Variants in MGA observed in about 807,000 individuals in gnomAD.
MGA encodes the protein MAX gene-associated protein.
In MGA, 40 loss-of-function variants were observed where a neutral mutation model predicts 261.1. The observed-to-expected ratio is 0.15, with a 90% CI of 0.12 to 0.20. The LOEUF (loss-of-function observed/expected upper bound fraction) is 0.20. Ranked by LOEUF, MGA falls within the 10% of genes least tolerant of loss-of-function variation. The pLI is 1.00. For missense variants in MGA, 3,397 were observed against 3,630.5 expected (o/e 0.94, Z 1.65); for synonymous variants, 1,302 against 1,290.6 (o/e 1.01, Z -0.19).
chr15:41,754,631 G>C, intron 18 of MGA, 64 bp downstream of exon 18: 1 of 1,465,478 alleles, frequency 6.8e-7, no homozygotes. Flanking sequence ...AAAATGAGAT[G>C]TTCTGTTCAG....
chr15:41,741,579 GA>G (rs2062106080), intron 14 of MGA, among the ~76,000 whole-genome samples: 1 of 152,162 alleles, frequency 6.6e-6, no homozygotes, highest in East Asian at 1.9e-4. Flanking sequence ...GAAATTGGGG[GA>G]AACAAACCCT....
chr15:41,715,195 G>C (rs1315663148), intron 9 of MGA, among the ~76,000 whole-genome samples: 2 of 148,880 alleles, frequency 1.3e-5, no homozygotes, highest in Admixed American at 1.4e-4. Flanking sequence ...TGTTGCCCAG[G>C]CTGGAGTGCA....
In MGA at chr15:41,736,324, A is replaced by C. The variant is rs1451152887; in HGVS notation, c.4060A>C (p.Ile1354Leu). 1 of 1,613,918 alleles carries C rather than the reference A, an allele frequency of 6.2e-7. No homozygotes were observed. The highest frequency in any genetic ancestry group is 1.3e-5 in the African/African-American group (1 of 74,928). The change falls in exon 13 of 24, where the codon ATC (isoleucine) becomes CTC (leucine). Residue 1354 changes from isoleucine to leucine, a missense_variant. This residue lies in a region of MGA where 1,410 missense variants were observed against 1,386.4 expected (regional missense o/e 1.02). Coordinates refer to ENST00000219905, the MANE Select transcript of MGA (RefSeq NM_001164273.2). ...GGAAGATCGGAACAAGATTTTGAGC[A>C]TCTTATCCCAGCACATCAATAGCAA...
intron 1 of MGA, among the ~76,000 whole-genome samples, chr15:41,635,336 A>T (rs1383094509): frequency 6.6e-6 from 1 of 151,950 alleles, no homozygotes; most frequent in Non-Finnish European, 1.5e-5. Flanking sequence ...TCTGTCTCAA[A>T]TAAATAAATA....
At chr15:41,672,874 A>G (rs1186340886) in intron 2 of MGA, among the ~76,000 whole-genome samples, 2 of 151,278 alleles carry the variant, frequency 1.3e-5, no homozygotes, top group Middle Eastern at 3.2e-3. Context: ...GTGCACACAC[A>G]CACACACACA....
chr15:41,666,822 C>T (rs1431002550), intron 1 of MGA, among the ~76,000 whole-genome samples: 1 of 152,134 alleles, frequency 6.6e-6, no homozygotes, highest in South Asian at 2.1e-4. Flanking sequence ...AGGGGATAAT[C>T]TTGTATAGAT....
chr15:41,719,625 C>T lies in MGA; in HGVS notation c.3430+6129C>T, dbSNP rs1189152641. ...GGTGTGGTGGTATGCACCTGTAGTCCGAGCTACTTGGGGGGCTGAGGTGGG... is the reference window on the plus strand; with the variant it reads ...GGTGTGGTGGTATGCACCTGTAGTCTGAGCTACTTGGGGGGCTGAGGTGGG... On this transcript the variant is annotated intron_variant, in intron 9 of 23. Coordinates refer to ENST00000219905, the MANE Select transcript of MGA (RefSeq NM_001164273.2). 6.6e-5 allele frequency among the ~76,000 whole-genome samples: 10 copies of T among 151,932 alleles called. No individual in the cohort carries two copies. The East Asian group carries it at 1.5e-3, about 23-fold the overall frequency.
At chr15:41,683,215 C>T (rs1051478762) in intron 2 of MGA, among the ~76,000 whole-genome samples, 6 of 151,874 alleles carry the variant, frequency 4.0e-5, no homozygotes, top group Non-Finnish European at 7.4e-5. Context: ...CATCTTTGTA[C>T]TGTGCTTTAT....
At chr15:41,701,435 C>G (rs970882060) in intron 5 of MGA, among the ~76,000 whole-genome samples, 3 of 152,070 alleles carry the variant, frequency 2.0e-5, no homozygotes, top group African/African-American at 4.8e-5. Context: ...GACTGTTTTT[C>G]TTTCTTTTAT....
intron 17 of MGA, among the ~76,000 whole-genome samples, chr15:41,754,021 C>G (rs1342440059): frequency 2.6e-5 from 4 of 152,118 alleles, no homozygotes; most frequent in African/African-American, 9.7e-5. Context: ...TGGCCTCAAG[C>G]AATCCTCCCA....
rs575529834 is a variant in MGA at position 41,742,010 on chromosome 15, T to C, written c.4586-536T>C. Among the ~76,000 whole-genome samples the C allele has an allele frequency of 4.5e-4, 69 of 151,852 alleles. No individual in the cohort carries two copies. In the South Asian group the frequency reaches 0.011, roughly 24 times the overall value. Reference sequence around the variant, plus strand: ...CAGGTGTGAGTCACTGTGTCTGGCCTGGAACACTCAATTTTAATCCCTTTC... The same window carrying C: ...CAGGTGTGAGTCACTGTGTCTGGCCCGGAACACTCAATTTTAATCCCTTTC... On this transcript the variant is annotated intron_variant, in intron 14 of 23. Transcript: ENST00000219905.
intron 1 of MGA, among the ~76,000 whole-genome samples, chr15:41,647,726 C>A (rs1261398896): frequency 2.0e-5 from 3 of 150,386 alleles, no homozygotes; most frequent in Non-Finnish European, 4.4e-5. Context: ...AGTTACTTCC[C>A]AAATCTTTGT....
intron 15 of MGA, among the ~76,000 whole-genome samples, chr15:41,743,776 C>T (rs756236133): frequency 3.9e-5 from 6 of 152,182 alleles, no homozygotes; most frequent in Non-Finnish European, 8.8e-5. Context: ...AATTGCTGGA[C>T]ATGAACTGAT....
Position 41,759,516 on chromosome 15 carries a change from T to G in MGA, c.7192-807T>G, listed in dbSNP as rs2063338325. 1.3e-5 allele frequency among the ~76,000 whole-genome samples: 2 copies of G among 149,570 alleles called. 1 individual carries two copies. Among genetic ancestry groups the G allele is most frequent in the South Asian group, 4.3e-4 (2 of 4,676 alleles). On this transcript the variant is annotated intron_variant, in intron 19 of 23. Transcript: ENST00000219905. The stretch of plus-strand genomic sequence containing the variant: ...TGAAGTCTTACTGTGTTGCCTGTGT[T>G]AGTCTCAAACTCCTGGCTTCAAGTG...
intron 23 of MGA, 53 bp downstream of exon 23, chr15:41,765,115 C>G: frequency 6.4e-7 from 1 of 1,572,312 alleles, no homozygotes; most frequent in Non-Finnish European, 8.8e-7. Context: ...TCCCTAACAT[C>G]TCACGGTGAC....
At chr15:41,653,366 C>T (rs138794496) in intron 1 of MGA, among the ~76,000 whole-genome samples, 2,090 of 149,548 alleles carry the variant, frequency 0.014, 57 homozygotes, top group African/African-American at 0.049. Flanking sequence ...GAGACTCCAT[C>T]TCAGAAAAAA....
At chr15:41,621,613 C>T (rs1207111784) in intron 1 of MGA, 1 of 152,204 alleles carries the variant, frequency 6.6e-6, no homozygotes, top group Non-Finnish European at 1.5e-5. Flanking sequence ...CCTTGCTTGC[C>T]ACGCGCTACG....
In MGA at chr15:41,725,857, T is replaced by TA. The variant is rs1277359718; in HGVS notation, c.3431-1320dup. On this transcript the variant is annotated intron_variant, in intron 9 of 23. Transcript: ENST00000219905. Reference sequence around the variant, plus strand: ...CTCAAAAAAAAAAAAAAAAAAAAAATAAATAAATAAATAAATAAATAAGTA... The same window carrying TA: ...CTCAAAAAAAAAAAAAAAAAAAAAATAAAATAAATAAATAAATAAATAAGTA... 9.2e-5 allele frequency among the ~76,000 whole-genome samples: 10 copies of TA among 108,112 alleles called. 1 individual carries two copies. Among genetic ancestry groups the TA allele is most frequent in the South Asian group, 2.9e-4 (1 of 3,494 alleles). 70.9% of individuals were successfully genotyped at this position (108,112 alleles called of 152,430 possible).
chr15:41,752,674 C>T (rs975553688), intron 17 of MGA, among the ~76,000 whole-genome samples: 1 of 151,468 alleles, frequency 6.6e-6, no homozygotes, highest in South Asian at 2.1e-4. Context: ...TCTGCCTCAG[C>T]CTCCCGAGTA....
Sources: gnomAD v4.1 joint callset for allele counts (sites outside exome capture counted in the v4.1 genomes callset) on GRCh38, gnomAD v4.1.1 for gene constraint, gnomAD v4.1.1 regional missense constraint, MANE v1.5 for transcripts, NCBI Gene and HGNC (gene_info 2026-07-23, HGNC 2026-07-21) for gene names.